Variants in CCNT2 observed in about 807,000 individuals in gnomAD.
CCNT2 encodes the protein cyclin-T2.
Under a neutral mutation model 70.0 loss-of-function variants are expected in CCNT2, and 18 were observed. The ratio of observed to expected loss-of-function variants is 0.26; its 90% CI spans 0.18 to 0.38. The LOEUF (loss-of-function observed/expected upper bound fraction) is 0.38, where lower values mean the gene tolerates loss of function less well. Among genes scored for constraint, CCNT2 ranks in the 10% least tolerant of loss-of-function variants. The pLI is 1.00. For synonymous variants in CCNT2, 334 were observed against 313.3 expected, an observed-to-expected ratio of 1.07 and a Z score of -0.70; for missense variants, 734 against 890.2, an observed-to-expected ratio of 0.82 and a Z score of 2.23.
intron 4 of CCNT2, among the ~76,000 whole-genome samples, chr2:134,940,876 T>C (rs1681531802): frequency 2.0e-5 from 3 of 152,300 alleles, no homozygotes; most frequent in Admixed American, 2.0e-4. Context: ...TGATATGTAC[T>C]GTAGATTGAG....
chr2:134,950,163 T>C (rs566922638), intron 7 of CCNT2, among the ~76,000 whole-genome samples: 4 of 152,326 alleles, frequency 2.6e-5, no homozygotes, highest in East Asian at 3.9e-4. Context: ...AAAAGTAATC[T>C]GCCTTTTATC....
intron 5 of CCNT2, chr2:134,944,175 T>C (rs184991530): frequency 7.1e-6 from 7 of 983,718 alleles, no homozygotes; most frequent in Non-Finnish European, 8.4e-6. Context: ...CACATTTTCA[T>C]CTGAATATTA....
intron 2 of CCNT2, among the ~76,000 whole-genome samples, chr2:134,928,654 T>G (rs747825151): frequency 6.6e-6 from 1 of 152,116 alleles, no homozygotes; most frequent in Non-Finnish European, 1.5e-5. Flanking sequence ...TATTGGCCAT[T>G]CACACTATAG....
chr2:134,941,992 CAG>C (rs1459865041), intron 4 of CCNT2, among the ~76,000 whole-genome samples: 2 of 152,092 alleles, frequency 1.3e-5, no homozygotes, highest in African/African-American at 4.8e-5. Context: ...TTAATAAAAA[CAG>C]AAACCCTGCC....
At position 134,956,716 on chromosome 2, in the gene CCNT2, GT is replaced by G. The variant is rs1174302251; in HGVS notation, c.*2069del. The G allele has an allele frequency of 1.3e-5, 2 of 152,400 alleles. No homozygotes were observed. Among genetic ancestry groups the G allele is most frequent in the Non-Finnish European group, 2.9e-5 (2 of 67,978 alleles). 9.4% of individuals were successfully genotyped at this position (152,400 alleles called of 1,614,324 possible). On this transcript the variant is annotated 3_prime_UTR_variant, in exon 9 of 9. Coordinates refer to ENST00000264157, the MANE Select transcript of CCNT2 (RefSeq NM_058241.3). ...TTTGTAAAGAATATCCAGAAAAGTA[GT>G]GAACTTATTTTCAGTAGACATAGAA...
intron 5 of CCNT2, chr2:134,943,502 A>G (rs754230840): frequency 6.1e-6 from 6 of 984,832 alleles, no homozygotes; most frequent in Non-Finnish European, 7.2e-6. Context: ...TGACATTACT[A>G]AAAGTGGTTT....
intron 5 of CCNT2, chr2:134,945,844 G>A: frequency 6.8e-7 from 1 of 1,464,602 alleles, no homozygotes; most frequent in Middle Eastern, 1.8e-4. Context: ...AACAAGTTTA[G>A]CCCTTGTAAC....
At chr2:134,924,683 C>T (rs914469417) in intron 2 of CCNT2, among the ~76,000 whole-genome samples, 13 of 152,088 alleles carry the variant, frequency 8.5e-5, no homozygotes, top group African/African-American at 2.4e-4. Context: ...CTCCTGACCT[C>T]GTGATTCCCC....
At chr2:134,929,138 G>T (rs1186335983) in intron 2 of CCNT2, among the ~76,000 whole-genome samples, 1 of 152,054 alleles carries the variant, frequency 6.6e-6, no homozygotes, top group Non-Finnish European at 1.5e-5. Flanking sequence ...AAAGTTATTT[G>T]CTGTTTAAGA....
At chr2:134,926,946 G>A (rs1250285786) in intron 2 of CCNT2, among the ~76,000 whole-genome samples, 2 of 152,210 alleles carry the variant, frequency 1.3e-5, no homozygotes, top group Non-Finnish European at 2.9e-5. Context: ...CTCATTTCCA[G>A]TGGGACTTCA....
Position 134,954,899 on chromosome 2 carries a change from C to A in CCNT2, c.*251C>A. The A allele has an allele frequency of 2.5e-6, 1 of 394,884 alleles. No homozygotes were observed. Among genetic ancestry groups the A allele is most frequent in the Non-Finnish European group, 4.6e-6 (1 of 219,654 alleles). The allele number at this position is 394,884 out of a possible 1,614,324, so 24.5% of individuals were successfully genotyped here. A position where few individuals can be genotyped will look rare whatever the true frequency, so the allele number is the denominator to read the frequency against. On this transcript the variant is annotated 3_prime_UTR_variant, in exon 9 of 9. Transcript: ENST00000264157. ...AAACTCAGTATTTCTACAATTGCAGCTAAGAACATTAGGATGAATGGCTGG... is the reference window on the plus strand; with the variant it reads ...AAACTCAGTATTTCTACAATTGCAGATAAGAACATTAGGATGAATGGCTGG...
chr2:134,949,808 G>GGT (rs1200234987), intron 7 of CCNT2, among the ~76,000 whole-genome samples: 3 of 136,682 alleles, frequency 2.2e-5, no homozygotes. Flanking sequence ...TTTTCGGGGG[G>GGT]GGGGTGGGGG....
intron 2 of CCNT2, among the ~76,000 whole-genome samples, chr2:134,935,309 T>TTA (rs1356293190): frequency 8.5e-5 from 13 of 152,250 alleles, no homozygotes; most frequent in African/African-American, 2.9e-4. Flanking sequence ...TTTACATCTG[T>TTA]TATAAAGATT....
Position 134,953,941 on chromosome 2 carries a change from G to A in CCNT2, c.1486G>A (p.Ala496Thr). The change falls in exon 9 of 9, where the codon GCA (alanine) becomes ACA (threonine). Residue 496 changes from alanine to threonine, a missense_variant. Physicochemically the swap from Ala to Thr is moderately conservative, Grantham distance 58 (BLOSUM62 0). Transcript: ENST00000264157. The stretch of plus-strand genomic sequence containing the variant: ...TATCGCAAATACTGAAAAATACATG[G>A]CAGACAAAAAGGAAAAGAGTGGGTC... ...IPIANTEKYM[A>T]DKKEKSGSLK... is the part of the protein sequence containing the mutation. 1 of 1,613,886 alleles carries A rather than the reference G, an allele frequency of 6.2e-7. No homozygotes were observed. The highest frequency in any genetic ancestry group is 8.5e-7 in the Non-Finnish European group (1 of 1,179,912).
At chr2:134,936,734 A>G in intron 2 of CCNT2, 107 bp from the exon 3 acceptor site, 2 of 905,374 alleles carry the variant, frequency 2.2e-6, no homozygotes, top group South Asian at 3.4e-5. Flanking sequence ...AGCCTGGGCA[A>G]CAGGAGCGAA....
chr2:134,927,995 T>C (rs2105024284), intron 2 of CCNT2, among the ~76,000 whole-genome samples: 1 of 152,344 alleles, frequency 6.6e-6, no homozygotes, highest in Admixed American at 6.5e-5. Flanking sequence ...GGATGAGAAC[T>C]GTAGAAGTTC....
intron 2 of CCNT2, among the ~76,000 whole-genome samples, chr2:134,929,250 A>G (rs1476955676): frequency 2.6e-5 from 4 of 152,148 alleles, no homozygotes; most frequent in Non-Finnish European, 5.9e-5. Flanking sequence ...AGTATTTGTT[A>G]CGTTATGATT....
At position 134,942,897 on chromosome 2, in the gene CCNT2, C is replaced by G. The variant is rs529719270; in HGVS notation, c.493+223C>G. The G allele has an allele frequency of 6.8e-6, 9 of 1,330,934 alleles. No individual in the cohort carries two copies. The South Asian group carries it at 1.7e-4, about 25-fold the overall frequency. The allele number at this position is 1,330,934 out of a possible 1,614,324, so 82.4% of individuals were successfully genotyped here. On this transcript the variant is annotated intron_variant, in intron 5 of 8. Coordinates refer to ENST00000264157, the MANE Select transcript of CCNT2 (RefSeq NM_058241.3). ...AAACATAGGTAAGAATCTCATTTCA[C>G]TAAAACTCCGGAGGGCTTCCAAGTA...
At chr2:134,923,126 T>G (rs1559087624) in intron 2 of CCNT2, among the ~76,000 whole-genome samples, 1 of 151,778 alleles carries the variant, frequency 6.6e-6, no homozygotes, top group Admixed American at 6.6e-5. Context: ...ACTAAAAATA[T>G]AAAAATTAGC....
Sources: allele counts gnomAD v4.1 joint callset (sites outside exome capture counted in the v4.1 genomes callset), GRCh38; gene constraint gnomAD v4.1.1; transcripts MANE v1.5; gene names NCBI Gene and HGNC (gene_info 2026-07-23, HGNC 2026-07-21).